SLIT3: variants seen among roughly 807,000 people sequenced by gnomAD.
SLIT3 encodes the protein slit homolog 3 protein.
SLIT3 carries 68 observed loss-of-function variants against 184.0 expected under a neutral mutation model. That is an observed-to-expected ratio of 0.37 (90% CI 0.30 to 0.45). SLIT3 has a LOEUF of 0.45. Ranked by LOEUF, SLIT3 falls within the 20% of genes least tolerant of loss-of-function variation. SLIT3 has a pLI of 1.00. For missense variants in SLIT3, 1,707 were observed against 2,026.0 expected (o/e 0.84, Z 3.02); for synonymous variants, 831 against 828.6 (o/e 1.00, Z -0.05).
chr5:168,931,500 G>A (rs1761985942), intron 4 of SLIT3, among the ~76,000 whole-genome samples: 2 of 152,174 alleles, frequency 1.3e-5, no homozygotes, highest in African/African-American at 2.4e-5. Context: ...TGAAGGGGGA[G>A]AGTGACCTTT....
At chr5:168,699,970 T>C (rs1204400929) in intron 27 of SLIT3, among the ~76,000 whole-genome samples, 2 of 152,220 alleles carry the variant, frequency 1.3e-5, no homozygotes, top group Non-Finnish European at 2.9e-5. Flanking sequence ...GGTTGGGACC[T>C]GGTTTCAAAT....
At chr5:168,688,062 C>T (rs1761800361) in intron 29 of SLIT3, among the ~76,000 whole-genome samples, 1 of 152,238 alleles carries the variant, frequency 6.6e-6, no homozygotes, top group Admixed American at 6.5e-5. Context: ...CATCTCTGGG[C>T]TCCTCTGTCT....
intron 4 of SLIT3, among the ~76,000 whole-genome samples, chr5:169,144,147 T>G (rs2113351442): frequency 6.6e-6 from 1 of 152,320 alleles, no homozygotes; most frequent in East Asian, 1.9e-4. Context: ...TTCTTCCCAT[T>G]GTCTTGTGAC....
At chr5:168,968,780 C>T (rs1334601755) in intron 4 of SLIT3, among the ~76,000 whole-genome samples, 1 of 152,156 alleles carries the variant, frequency 6.6e-6, no homozygotes, top group East Asian at 1.9e-4. Flanking sequence ...ACATGAAACT[C>T]AGGAAAATTT....
chr5:168,871,651 T>C (rs1759525611), intron 5 of SLIT3, among the ~76,000 whole-genome samples: 1 of 152,152 alleles, frequency 6.6e-6, no homozygotes, highest in Non-Finnish European at 1.5e-5. Context: ...TATGACTTTT[T>C]TTGGGGGCAC....
At chr5:169,227,805 G>A (rs1764864319) in intron 3 of SLIT3, among the ~76,000 whole-genome samples, 1 of 152,206 alleles carries the variant, frequency 6.6e-6, no homozygotes, top group Non-Finnish European at 1.5e-5. Flanking sequence ...TTTCGCAGAT[G>A]AGGAGATGAA....
intron 4 of SLIT3, among the ~76,000 whole-genome samples, chr5:169,079,530 AG>A: frequency 6.3e-5 from 5 of 78,828 alleles, no homozygotes; most frequent in East Asian, 6.8e-4. Context: ...GGGAGGAGGA[AG>A]GAGGAGGAGG....
rs181267826 is a variant in SLIT3 at position 168,778,855 on chromosome 5, C to T, written c.1152-4477G>A. Among the ~76,000 whole-genome samples, 3 of 152,342 alleles carry T rather than the reference C, an allele frequency of 2.0e-5. No homozygotes were observed. In the East Asian group the frequency reaches 5.8e-4, roughly 29 times the overall value. On this transcript the variant is annotated intron_variant, in intron 12 of 35. Transcript: ENST00000519560. ...ACTTCAGCCCAATCTGCTGTTGGAT[C>T]CAGTGAGTCAGGCTGGACTGCCTGG...
chr5:168,903,499 G>A (rs188838975), intron 4 of SLIT3, among the ~76,000 whole-genome samples: 220 of 152,306 alleles, frequency 1.4e-3, no homozygotes, highest in Non-Finnish European at 2.7e-3. Context: ...GCAGCATGAT[G>A]CCAAGGTCAC....
intron 4 of SLIT3, among the ~76,000 whole-genome samples, chr5:168,957,106 A>G (rs1762851470): frequency 6.6e-6 from 1 of 151,562 alleles, no homozygotes; most frequent in Admixed American, 6.6e-5. Context: ...GCGGGTGCCT[A>G]TAATCCCAGC....
intron 4 of SLIT3, among the ~76,000 whole-genome samples, chr5:169,021,050 C>T (rs1219839007): frequency 6.6e-6 from 1 of 152,168 alleles, no homozygotes; most frequent in Non-Finnish European, 1.5e-5. Context: ...TCAGAACCTT[C>T]TAGAAATGAG....
At chr5:169,143,317 G>A (rs547993481) in intron 4 of SLIT3, among the ~76,000 whole-genome samples, 3 of 152,310 alleles carry the variant, frequency 2.0e-5, no homozygotes, top group African/African-American at 7.2e-5. Context: ...ACCACCAATA[G>A]ATAGACAGTC....
intron 1 of SLIT3, among the ~76,000 whole-genome samples, chr5:169,275,640 A>G (rs151060604): frequency 6.6e-5 from 10 of 152,304 alleles, no homozygotes; most frequent in African/African-American, 2.4e-4. Context: ...GCAGCAAGAG[A>G]GAAATGAATG....
At chr5:169,119,235 C>T (rs1760795956) in intron 4 of SLIT3, among the ~76,000 whole-genome samples, 1 of 152,176 alleles carries the variant, frequency 6.6e-6, no homozygotes, top group Non-Finnish European at 1.5e-5. Context: ...GCAGATGACA[C>T]CTGGAACCTA....
intron 21 of SLIT3, 101 bp downstream of exon 21, chr5:168,724,315 G>C: frequency 9.8e-6 from 8 of 816,028 alleles, no homozygotes; most frequent in Non-Finnish European, 1.5e-5. Flanking sequence ...ATTACCACTT[G>C]CATCAGCCTG....
chr5:168,685,077 A>G (rs888654141), intron 31 of SLIT3, among the ~76,000 whole-genome samples: 1 of 151,968 alleles, frequency 6.6e-6, no homozygotes, highest in Non-Finnish European at 1.5e-5. Flanking sequence ...CCGCCTCCCA[A>G]TAGCTGGGAT....
chr5:168,933,553 C>CA (rs954598565), intron 4 of SLIT3, among the ~76,000 whole-genome samples: 46 of 121,678 alleles, frequency 3.8e-4, no homozygotes, highest in Non-Finnish European at 5.9e-4. Context: ...AACAAACAAA[C>CA]AAAAAAAACA....
chr5:168,762,324 G>A (rs1182871128), intron 15 of SLIT3, among the ~76,000 whole-genome samples: 1 of 152,178 alleles, frequency 6.6e-6, no homozygotes, highest in Non-Finnish European at 1.5e-5. Flanking sequence ...CAGAAAATAT[G>A]TGTAGAATGA....
chr5:169,042,039 C>G (rs1757464275), intron 4 of SLIT3, among the ~76,000 whole-genome samples: 1 of 152,144 alleles, frequency 6.6e-6, no homozygotes, highest in Admixed American at 6.5e-5. Context: ...CACCTGTCTT[C>G]TTGGTTTGAT....
Sources: gnomAD v4.1 joint callset for allele counts (sites outside exome capture counted in the v4.1 genomes callset) on GRCh38, gnomAD v4.1.1 for gene constraint, MANE v1.5 for transcripts, NCBI Gene and HGNC (gene_info 2026-07-23, HGNC 2026-07-21) for gene names.